Variants in SP3 observed in about 807,000 individuals in gnomAD.
SP3 encodes Sp3 transcription factor, also known as transcription factor Sp3.
SP3 carries 10 observed loss-of-function variants against 70.3 expected under a neutral mutation model. The ratio of observed to expected loss-of-function variants is 0.14; its 90% CI spans 0.09 to 0.24. The LOEUF (loss-of-function observed/expected upper bound fraction) is 0.24, where lower values mean the gene tolerates loss of function less well. Ranked by LOEUF, SP3 falls within the 10% of genes least tolerant of loss-of-function variation. The pLI, the probability that SP3 is intolerant of heterozygous loss-of-function variation, is 1.00. For missense variants in SP3, 825 were observed against 914.6 expected, an observed-to-expected ratio of 0.90 and a Z score of 1.26; for synonymous variants, 402 against 333.5, an observed-to-expected ratio of 1.21 and a Z score of -2.24.
intron 4 of SP3, among the ~76,000 whole-genome samples, chr2:173,940,927 T>C (rs1276260635): frequency 1.3e-5 from 2 of 152,176 alleles, no homozygotes; most frequent in African/African-American, 2.4e-5. Flanking sequence ...CCTGTTATAA[T>C]GACCCCTACT....
At chr2:173,933,651 T>C (rs979770469) in intron 4 of SP3, among the ~76,000 whole-genome samples, 1 of 139,778 alleles carries the variant, frequency 7.2e-6, no homozygotes, top group Admixed American at 7.1e-5. Flanking sequence ...TATATATATA[T>C]ATATATATAT....
At position 173,956,057 on chromosome 2, in the gene SP3, A is replaced by T; in HGVS notation, c.455T>A (p.Phe152Tyr). Residue 152 changes from phenylalanine (F) to tyrosine (Y), a missense_variant, in exon 4 of 7, where the codon TTT (phenylalanine) becomes TAT (tyrosine). Physicochemically the swap from Phe to Tyr is conservative, Grantham distance 22. Transcript: ENST00000310015. ...TGAATCTGATCCTGGTGCAACGGAA[A>T]ATATTTGTTGATTCTGCAAATTCTG... ...PLQNLQNQQI[F>Y]SVAPGSDSSN... The T allele has an allele frequency of 6.2e-7, 1 of 1,614,184 alleles. No individual in the cohort carries two copies. Among genetic ancestry groups the T allele is most frequent in the Non-Finnish European group, 8.5e-7 (1 of 1,180,024 alleles).
At position 173,942,856 on chromosome 2, in the gene SP3, A is replaced by G. The variant is rs375462331; in HGVS notation, c.1639+12017T>C. 5.3e-5 allele frequency among the ~76,000 whole-genome samples: 8 copies of G among 152,300 alleles called. No individual in the cohort carries two copies. In the East Asian group the frequency reaches 9.6e-4, roughly 18 times the overall value. On this transcript the variant is annotated intron_variant, in intron 4 of 6. Transcript: ENST00000310015. ...GGATCCAATTAACTGTAAATCAAAAATGTTTTTTTAAAAACACAAAAATAA... is the reference window on the plus strand; with the variant it reads ...GGATCCAATTAACTGTAAATCAAAAGTGTTTTTTTAAAAACACAAAAATAA...
intron 4 of SP3, among the ~76,000 whole-genome samples, chr2:173,929,492 C>T (rs771688541): frequency 2.8e-4 from 42 of 152,174 alleles, no homozygotes; most frequent in Non-Finnish European, 4.4e-5. Context: ...ATCTACTTCC[C>T]TTCACACACA....
intron 1 of SP3, 126 bp from the exon 2 acceptor site, chr2:173,964,679 GCCCCCC>G: frequency 4.4e-6 from 1 of 227,754 alleles, no homozygotes; most frequent in Non-Finnish European, 7.2e-6. Flanking sequence ...TCCCCCACCC[GCCCCCC>G]GGCGGCGGCG....
chr2:173,956,078 T>C lies in SP3; in HGVS notation c.434A>G (p.Asn145Ser). The C allele has an allele frequency of 6.2e-7, 1 of 1,614,130 alleles. No individual in the cohort carries two copies. Among genetic ancestry groups the C allele is most frequent in the Non-Finnish European group, 8.5e-7 (1 of 1,180,010 alleles). Residue 145 changes from asparagine (N) to serine (S), a missense_variant, in exon 4 of 7, where the codon AAT becomes AGT. Asn to Ser is a conservative substitution (Grantham distance 46, BLOSUM62 1). Transcript: ENST00000310015. ...SSGQYVLPLQ[N>S]LQNQQIFSVA... Reference sequence around the variant, plus strand: ...GGAAAATATTTGTTGATTCTGCAAATTCTGAAGGGGAAGAACATACTGCCC... The same window carrying C: ...GGAAAATATTTGTTGATTCTGCAAACTCTGAAGGGGAAGAACATACTGCCC...
At position 173,954,878 on chromosome 2, in the gene SP3, G is replaced by A; in HGVS notation, c.1634C>T (p.Pro545Leu). 6.2e-7 allele frequency: 1 copy of A among 1,610,976 alleles called. No individual in the cohort carries two copies. The highest frequency in any genetic ancestry group is 8.5e-7 in the Non-Finnish European group (1 of 1,177,314). The change falls in exon 4 of 7, where the codon CCT becomes CTT. Residue 545 changes from proline to leucine, a missense_variant. This residue lies in a region of SP3 where 678 missense variants were observed against 651.6 expected (regional missense o/e 1.04). Transcript: ENST00000310015. ...QLHPGENADS[P>L]ADIRIKEEEP... Reference sequence around the variant, plus strand: ...TGACATAACTTAAGACTCACCTGCAGGACTGTCAGCATTCTCTCCTGGATG... The same window carrying A: ...TGACATAACTTAAGACTCACCTGCAAGACTGTCAGCATTCTCTCCTGGATG...
intron 5 of SP3, chr2:173,916,226 G>A (rs1689615895): frequency 6.6e-6 from 1 of 151,974 alleles, no homozygotes; most frequent in African/African-American, 2.4e-5. Flanking sequence ...AGCTATTAAA[G>A]AATGAAGTCA....
chr2:173,917,068 G>A (rs1217034787), intron 5 of SP3, among the ~76,000 whole-genome samples: 1 of 152,094 alleles, frequency 6.6e-6, no homozygotes, highest in Admixed American at 6.5e-5. Flanking sequence ...GAAGAGGGGT[G>A]AGATTTTGGT....
At chr2:173,964,313 AG>A in intron 2 of SP3, 91 bp downstream of exon 2, 1 of 500,344 alleles carries the variant, frequency 2.0e-6, no homozygotes, top group Admixed American at 3.2e-5. Context: ...AGAGACGAGG[AG>A]GGAGGGGTGA....
At position 173,955,886 on chromosome 2, in the gene SP3, C is replaced by G. The variant is rs1690868628; in HGVS notation, c.626G>C (p.Gly209Ala). ...QESSQIQIIP[G>A]SNQTLLASGT... The stretch of plus-strand genomic sequence containing the variant: ...AGAGGCAAGTAAGGTTTGATTAGAG[C>G]CAGGAATGATCTGAATTTGACTGCT... The change falls in exon 4 of 7, where the codon GGC becomes GCC. Residue 209 changes from glycine to alanine, a missense_variant. By Grantham distance (60) the Gly-to-Ala change is moderately conservative (BLOSUM62 0). Transcript: ENST00000310015. 2.5e-6 allele frequency: 4 copies of G among 1,614,132 alleles called. No homozygotes were observed. The highest frequency in any genetic ancestry group is 3.4e-6 in the Non-Finnish European group (4 of 1,180,010).
chr2:173,927,148 ATGG>A (rs1468261014), intron 4 of SP3, among the ~76,000 whole-genome samples: 1 of 152,132 alleles, frequency 6.6e-6, no homozygotes, highest in Non-Finnish European at 1.5e-5. Flanking sequence ...ACCAAGGAGG[ATGG>A]TGGTAAGCCA....
intron 2 of SP3, chr2:173,964,113 C>T (rs911386922): frequency 8.6e-6 from 3 of 349,366 alleles, no homozygotes; most frequent in Admixed American, 4.8e-5. Context: ...GGCAGGCGGG[C>T]GGCGGGCTGC....
At chr2:173,951,000 C>G (rs1449619219) in intron 4 of SP3, among the ~76,000 whole-genome samples, 1 of 152,090 alleles carries the variant, frequency 6.6e-6, no homozygotes, top group Non-Finnish European at 1.5e-5. Context: ...TTATTTTACC[C>G]TTCCTGGGCA....
rs190349728 is a variant in SP3 at position 173,937,420 on chromosome 2, G to T, written c.1639+17453C>A. On this transcript the variant is annotated intron_variant, in intron 4 of 6. Coordinates refer to ENST00000310015, the MANE Select transcript of SP3 (RefSeq NM_003111.5). ...CTTCATCTTCAAGGCTTTCACAACA[G>T]AACCATAAAATCCTCTTCCACTTGT... 5.6e-3 allele frequency among the ~76,000 whole-genome samples: 855 copies of T among 152,158 alleles called. 8 individuals are homozygous for T. The highest frequency in any genetic ancestry group is 0.019 in the African/African-American group (806 of 41,496).
intron 4 of SP3, among the ~76,000 whole-genome samples, chr2:173,919,096 G>C (rs1239191952): frequency 6.6e-6 from 1 of 152,140 alleles, no homozygotes; most frequent in Non-Finnish European, 1.5e-5. Context: ...CAAGTCTTCT[G>C]TAAGAAGGAA....
chr2:173,962,656 A>G (rs1691123936), intron 3 of SP3, among the ~76,000 whole-genome samples: 1 of 152,172 alleles, frequency 6.6e-6, no homozygotes, highest in Non-Finnish European at 1.5e-5. Context: ...TTAAAAAAAA[A>G]AAATACCTGG....
rs1239429459 is a variant in SP3, at chr2:173,963,874, G to C, written c.166C>G (p.Pro56Ala). 1 of 1,510,140 alleles carries C rather than the reference G, an allele frequency of 6.6e-7. No homozygotes were observed. The highest frequency in any genetic ancestry group is 8.9e-7 in the Non-Finnish European group (1 of 1,127,634). 93.5% of individuals were successfully genotyped at this position (1,510,140 alleles called of 1,614,324 possible). A position where few individuals can be genotyped will look rare whatever the true frequency, so the allele number is the denominator to read the frequency against. Residue 56 changes from proline to alanine, a missense_variant, in exon 3 of 7, where the codon CCG (proline) becomes GCG (alanine). Pro to Ala is a conservative substitution (Grantham distance 27, BLOSUM62 -1). Transcript: ENST00000310015. ...GCGGCCAGCAGAGCGAGCGGTGACG[G>C]CTGAGTGTCCTACCCCCAATGGGCG... is the stretch of plus-strand genomic sequence containing the variant. ...AAAAAAQDTQ[P>A]SPLALLAATC...
Position 173,903,892 on chromosome 2 carries a change from G to A in SP3, c.*6049C>T, listed in dbSNP as rs1689238933. On this transcript the variant is annotated 3_prime_UTR_variant, in exon 7 of 7. Coordinates refer to ENST00000310015, the MANE Select transcript of SP3 (RefSeq NM_003111.5). ...TGTCTAAACCTGACTCACTTGGCAG[G>A]CAATAAACGTGACTTTTTGTTGGTA... 6.6e-6 allele frequency among the ~76,000 whole-genome samples: 1 copy of A among 151,194 alleles called. No homozygotes were observed. Among genetic ancestry groups the A allele is most frequent in the Non-Finnish European group, 1.5e-5 (1 of 67,844 alleles).
Sources: allele counts gnomAD v4.1 joint callset (sites outside exome capture counted in the v4.1 genomes callset), GRCh38; gene constraint gnomAD v4.1.1; regional missense constraint gnomAD v4.1.1; transcripts MANE v1.5; gene names NCBI Gene and HGNC (gene_info 2026-07-23, HGNC 2026-07-21).